GPC5: variants seen among roughly 807,000 people sequenced by gnomAD.
GPC5 encodes the protein glypican-5.
GPC5 carries 47 observed loss-of-function variants against 53.9 expected under a neutral mutation model. The observed-to-expected ratio is 0.87, with a 90% CI of 0.69 to 1.11. The LOEUF is 1.11. Among genes scored for constraint, GPC5 ranks in the 50% most tolerant of loss-of-function variants. GPC5 has a pLI of 0.00. For synonymous variants in GPC5, 286 were observed against 263.3 expected, an observed-to-expected ratio of 1.09 and a Z score of -0.84; for missense variants, 748 against 713.1, an observed-to-expected ratio of 1.05 and a Z score of -0.56.
chr13:92,854,051 G>C (rs1284766003), intron 7 of GPC5, among the ~76,000 whole-genome samples: 1 of 151,736 alleles, frequency 6.6e-6, no homozygotes, highest in Non-Finnish European at 1.5e-5. Context: ...TTGTCGTCAA[G>C]GGCTCCATGT....
chr13:92,529,873 A>G (rs1229687908), intron 7 of GPC5, among the ~76,000 whole-genome samples: 1 of 151,938 alleles, frequency 6.6e-6, no homozygotes, highest in Non-Finnish European at 1.5e-5. Context: ...ACTTGAGCTC[A>G]TGAGTTCAAG....
intron 6 of GPC5, among the ~76,000 whole-genome samples, chr13:91,908,872 T>TCATG (rs938192009): frequency 6.6e-6 from 1 of 152,150 alleles, no homozygotes; most frequent in African/African-American, 2.4e-5. Context: ...ATTTCTAGTA[T>TCATG]CATGAGTCAG....
At chr13:91,485,132 A>G (rs3848055) in intron 2 of GPC5, among the ~76,000 whole-genome samples, 68,455 of 151,958 alleles carry the variant, frequency 0.45, 15,633 homozygotes, top group East Asian at 0.6. Context: ...TTTGAGAAAC[A>G]CTGTTCTAGA....
chr13:92,664,658 C>CA (rs1032186685), intron 7 of GPC5, among the ~76,000 whole-genome samples: 1 of 151,948 alleles, frequency 6.6e-6, no homozygotes, highest in Admixed American at 6.6e-5. Flanking sequence ...ATCAGATTAA[C>CA]AAAAAATTTA....
chr13:92,857,108 C>T (rs1022107453), intron 7 of GPC5, among the ~76,000 whole-genome samples: 2 of 152,018 alleles, frequency 1.3e-5, no homozygotes, highest in Non-Finnish European at 2.9e-5. Context: ...CAGCATGGTA[C>T]CGGTACAAAA....
chr13:91,454,790 C>G (rs1881422194), intron 2 of GPC5, among the ~76,000 whole-genome samples: 1 of 151,990 alleles, frequency 6.6e-6, no homozygotes, highest in Admixed American at 6.6e-5. Context: ...TATTCTCATT[C>G]TAGATTCACC....
intron 7 of GPC5, among the ~76,000 whole-genome samples, chr13:92,227,210 G>T (rs2042493813): frequency 6.6e-6 from 1 of 152,178 alleles, no homozygotes; most frequent in Admixed American, 6.5e-5. Flanking sequence ...CCACTTGGTA[G>T]AGTGATTTAA....
chr13:92,116,129 G>A (rs1420911314), intron 6 of GPC5, among the ~76,000 whole-genome samples: 2 of 152,066 alleles, frequency 1.3e-5, no homozygotes, highest in East Asian at 3.9e-4. Context: ...CACACACAGT[G>A]GTCTCAACTA....
intron 5 of GPC5, among the ~76,000 whole-genome samples, chr13:91,895,530 T>C (rs1477505713): frequency 6.6e-6 from 1 of 152,190 alleles, no homozygotes; most frequent in Non-Finnish European, 1.5e-5. Flanking sequence ...CTTGTAGTTT[T>C]TGTAGTCATT....
chr13:92,681,190 T>TTGA (rs1481679692), intron 7 of GPC5, among the ~76,000 whole-genome samples: 2 of 151,950 alleles, frequency 1.3e-5, no homozygotes, highest in African/African-American at 4.8e-5. Flanking sequence ...TGAATATCAA[T>TTGA]TGATAAAATA....
chr13:91,503,583 C>T (rs672034), intron 2 of GPC5, among the ~76,000 whole-genome samples: 136,019 of 151,112 alleles, frequency 0.9, 62,880 homozygotes, highest in East Asian at 1. Flanking sequence ...AGATGGTGAC[C>T]CTCCTGGCCA....
intron 7 of GPC5, among the ~76,000 whole-genome samples, chr13:92,577,506 C>T (rs1883228232): frequency 6.7e-6 from 1 of 150,106 alleles, no homozygotes; most frequent in Admixed American, 6.6e-5. Flanking sequence ...ACATAAATAC[C>T]TTTCTCAAGG....
At chr13:91,929,494 T>C (rs1234819354) in intron 6 of GPC5, among the ~76,000 whole-genome samples, 3 of 152,124 alleles carry the variant, frequency 2.0e-5, no homozygotes, top group Non-Finnish European at 2.9e-5. Flanking sequence ...CCATCTTAAT[T>C]TTCAACGTAA....
In GPC5 at chr13:92,411,918, A is replaced by G. The variant is rs527676697; in HGVS notation, c.1561+266929A>G. 6.6e-4 allele frequency among the ~76,000 whole-genome samples: 101 copies of G among 152,318 alleles called. 1 individual carries two copies. The highest frequency in any genetic ancestry group is 2.2e-3 in the African/African-American group (91 of 41,568). The stretch of plus-strand genomic sequence containing the variant: ...TGCAAAAGTAATTGCGGTTTTAGTC[A>G]TTAAACGTATTAAAAGTAATGGCAA... On this transcript the variant is annotated intron_variant, in intron 7 of 7. Transcript: ENST00000377067.
intron 7 of GPC5, among the ~76,000 whole-genome samples, chr13:92,567,949 A>C (rs543918026): frequency 6.6e-6 from 1 of 152,328 alleles, no homozygotes; most frequent in South Asian, 2.1e-4. Flanking sequence ...AATGAAAGAA[A>C]GAAAAAGTGT....
chr13:92,812,086 T>C (rs1877319987), intron 7 of GPC5, among the ~76,000 whole-genome samples: 1 of 151,962 alleles, frequency 6.6e-6, no homozygotes, highest in African/African-American at 2.4e-5. Flanking sequence ...TGGACCCATC[T>C]GAATTTCAGG....
chr13:92,528,571 A>G (rs990737554), intron 7 of GPC5, among the ~76,000 whole-genome samples: 5 of 151,984 alleles, frequency 3.3e-5, no homozygotes, highest in Non-Finnish European at 7.4e-5. Flanking sequence ...AATTTAAGTG[A>G]TTTATATAAA....
chr13:91,535,518 G>A (rs1886549131), intron 2 of GPC5, among the ~76,000 whole-genome samples: 1 of 152,060 alleles, frequency 6.6e-6, no homozygotes, highest in African/African-American at 2.4e-5. Flanking sequence ...ATACACATTT[G>A]TTCATTTATT....
intron 3 of GPC5, among the ~76,000 whole-genome samples, chr13:91,704,978 A>G (rs342693): frequency 0.22 from 33,918 of 152,084 alleles, 5,051 homozygotes; most frequent in African/African-American, 0.42. Flanking sequence ...ATCTATCTAG[A>G]GATGATCAGA....
Sources: gnomAD v4.1 joint callset for allele counts (sites outside exome capture counted in the v4.1 genomes callset) on GRCh38, gnomAD v4.1.1 for gene constraint, MANE v1.5 for transcripts, NCBI Gene and HGNC (gene_info 2026-07-23, HGNC 2026-07-21) for gene names.